AP1G2: variants seen among roughly 807,000 people sequenced by gnomAD.
AP1G2 encodes AP-1 complex subunit gamma-like 2.
Under a neutral mutation model 95.8 loss-of-function variants are expected in AP1G2, and 85 were observed. The observed-to-expected ratio is 0.89, with a 90% CI of 0.74 to 1.06. AP1G2 has a LOEUF of 1.06. Among genes scored for constraint, AP1G2 ranks in the 50% least tolerant of loss-of-function variants. The pLI, the probability that AP1G2 is intolerant of heterozygous loss-of-function variation, is 0.00. For missense variants in AP1G2, 967 were observed against 1,005.8 expected (o/e 0.96, Z 0.52); for synonymous variants, 378 against 400.0 (o/e 0.94, Z 0.66).
intron 20 of AP1G2, 57 bp from the exon 21 acceptor site, chr14:23,560,093 C>G: frequency 7.1e-7 from 1 of 1,412,368 alleles, no homozygotes. Context: ...TCAGGCAGCC[C>G]CTCTATACTC....
At chr14:23,563,193 G>A (rs1885970003) in intron 14 of AP1G2, 187 bp downstream of exon 14, 1 of 1,437,292 alleles carries the variant, frequency 7.0e-7, no homozygotes, top group African/African-American at 1.4e-5. Context: ...ACATAACCAG[G>A]AGGTACCAGA....
At position 23,563,675 on chromosome 14, in the gene AP1G2, G is replaced by A. The variant is rs547285250; in HGVS notation, c.1233-37C>T. The A allele has an allele frequency of 1.4e-5, 23 of 1,614,144 alleles. No homozygotes were observed. The East Asian group carries it at 2.9e-4, about 20-fold the overall frequency. On this transcript the variant is annotated intron_variant, in intron 12 of 21. Transcript: ENST00000397120. ...ATGGCTCATCAGTCCTGGTACTGAC[G>A]CTCCCCAGATTCTACCCTCTTCGAC...
Position 23,563,646 on chromosome 14 carries a change from A to T in AP1G2, c.1233-8T>A, listed in dbSNP as rs1352818740. The stretch of plus-strand genomic sequence containing the variant: ...CGTTTGGTTGGAGCAAACCTAGGGG[A>T]TATATGGCTCATCAGTCCTGGTACT... On this transcript the variant is annotated splice_polypyrimidine_tract_variant and splice_region_variant and intron_variant, in intron 12 of 21. Coordinates refer to ENST00000397120, the MANE Select transcript of AP1G2 (RefSeq NM_003917.5). 6.2e-7 allele frequency: 1 copy of T among 1,614,106 alleles called. No homozygotes were observed. The highest frequency in any genetic ancestry group is 1.3e-5 in the African/African-American group (1 of 75,016).
Position 23,561,503 on chromosome 14 carries a change from C to G in AP1G2, c.1857+9G>C. The stretch of plus-strand genomic sequence containing the variant: ...CGTCTTCCTACCCCAGAGTTTCTAG[C>G]CTTCTCACCTGGGGCTCTGTGGGCA... On this transcript the variant is annotated intron_variant, in intron 18 of 21. Coordinates refer to ENST00000397120, the MANE Select transcript of AP1G2 (RefSeq NM_003917.5). The G allele has an allele frequency of 1.9e-6, 3 of 1,614,166 alleles. No individual in the cohort carries two copies. The highest frequency in any genetic ancestry group is 1.7e-6 in the Non-Finnish European group (2 of 1,180,020).
Position 23,561,528 on chromosome 14 carries a change from A to T in AP1G2, c.1841T>A (p.Val614Glu). The T allele has an allele frequency of 6.2e-7, 1 of 1,614,174 alleles. No individual in the cohort carries two copies. Among genetic ancestry groups the T allele is most frequent in the Non-Finnish European group, 8.5e-7 (1 of 1,180,030 alleles). The part of the protein sequence containing the change: ...EAAQLSEAAP[V>E]PTEPQASQLL... ...CCTTCTCACCTGGGGCTCTGTGGGCACTGGGGCTGCTTCTGAAAGCTGGGC... is the reference window on the plus strand; with the variant it reads ...CCTTCTCACCTGGGGCTCTGTGGGCTCTGGGGCTGCTTCTGAAAGCTGGGC... The change falls in exon 18 of 22, where the codon GTG becomes GAG. Residue 614 changes from valine (V) to glutamate (E), a missense_variant. Physicochemically the swap from Val to Glu is moderately radical, Grantham distance 121. Transcript: ENST00000397120.
chr14:23,566,596 C>G lies in AP1G2; in HGVS notation c.295G>C (p.Asp99His), dbSNP rs779832983. Reference protein sequence around the residue: ...GAMLLLDERHDAHLLITNSIK... With the variant: ...GAMLLLDERHHAHLLITNSIK... ...CTGTTGGTAATGAGCAGGTGGGCAT[C>G]GTGCCTCTCATCCAATAGAAGCATG... The change falls in exon 3 of 22, where the codon GAT (aspartate) becomes CAT (histidine). Residue 99 changes from aspartate (D) to histidine (H), a missense_variant. Physicochemically the swap from Asp to His is moderately conservative, Grantham distance 81. Transcript: ENST00000397120. The G allele has an allele frequency of 4.3e-6, 7 of 1,614,052 alleles. No individual in the cohort carries two copies. The highest frequency in any genetic ancestry group is 5.9e-6 in the Non-Finnish European group (7 of 1,180,032).
chr14:23,565,190 G>A lies in AP1G2; in HGVS notation c.751C>T (p.Leu251Phe), dbSNP rs775100885. The A allele has an allele frequency of 9.3e-6, 15 of 1,614,182 alleles. No individual in the cohort carries two copies. In the South Asian group the frequency reaches 1.6e-4, roughly 18 times the overall value. ...CGGCCCAGGATCCGAAGCAGACGAA[G>A]TATCTGGACCTGAGGTTGGGTTGAA... ...VSDPFLQVQI[L>F]RLLRILGRNH... is the part of the protein sequence containing the mutation. Residue 251 changes from leucine (L) to phenylalanine (F), a missense_variant, in exon 8 of 22, where the codon CTT becomes TTT. Leu to Phe is a conservative substitution (Grantham distance 22). Coordinates refer to ENST00000397120, the MANE Select transcript of AP1G2 (RefSeq NM_003917.5).
chr14:23,564,798 C>T (rs1886964944), intron 8 of AP1G2, 138 bp from the exon 9 acceptor site: 2 of 793,070 alleles, frequency 2.5e-6, no homozygotes, highest in Admixed American at 4.6e-5. Flanking sequence ...CTGCCTCAGC[C>T]TCCTGAGTGG....
intron 21 of AP1G2, 38 bp from the exon 22 acceptor site, chr14:23,559,888 C>G: frequency 6.2e-7 from 1 of 1,611,490 alleles, no homozygotes; most frequent in Non-Finnish European, 8.5e-7. Flanking sequence ...TTAGCACCCA[C>G]GGCTTCTTCT....
chr14:23,559,781 C>T lies in AP1G2; in HGVS notation c.2326G>A (p.Val776Met). The change falls in exon 22 of 22, where the codon GTG becomes ATG. Residue 776 changes from valine (V) to methionine (M), a missense_variant. Coordinates refer to ENST00000397120, the MANE Select transcript of AP1G2 (RefSeq NM_003917.5). ...FHQSVQEIFE[V>M]NNLPVESWQ ...CACGATTCCACAGGCAAGTTGTTCACCTCAAAGATCTCCTGCACCGACTGG... is the reference window on the plus strand; with the variant it reads ...CACGATTCCACAGGCAAGTTGTTCATCTCAAAGATCTCCTGCACCGACTGG... The T allele has an allele frequency of 1.2e-6, 2 of 1,614,126 alleles. No individual in the cohort carries two copies. The highest frequency in any genetic ancestry group is 2.2e-5 in the East Asian group (1 of 44,886).
At chr14:23,563,929 C>A in intron 11 of AP1G2, 73 bp from the exon 12 acceptor site, 1 of 1,599,460 alleles carries the variant, frequency 6.3e-7, no homozygotes, top group Non-Finnish European at 8.5e-7. Context: ...CTCTGCTTCC[C>A]CAGGGACCTG....
intron 21 of AP1G2, 42 bp from the exon 22 acceptor site, chr14:23,559,892 T>G (rs778628929): frequency 1.2e-6 from 2 of 1,611,884 alleles, no homozygotes; most frequent in African/African-American, 1.3e-5. Flanking sequence ...CACCCACGGC[T>G]TCTTCTATCC....
At chr14:23,565,027 G>A (rs887221174) in intron 8 of AP1G2, 92 bp downstream of exon 8, 9 of 1,192,118 alleles carry the variant, frequency 7.5e-6, no homozygotes, top group Admixed American at 1.7e-5. Context: ...GCAATTACAC[G>A]GCCACTGCAC....
At position 23,559,573 on chromosome 14, in the gene AP1G2, T is replaced by C; in HGVS notation, c.*176A>G. The C allele has an allele frequency of 1.6e-6, 1 of 613,656 alleles. No homozygotes were observed. The highest frequency in any genetic ancestry group is 2.9e-6 in the Non-Finnish European group (1 of 341,926). 38.0% of individuals were successfully genotyped at this position (613,656 alleles called of 1,614,324 possible). A position where few individuals can be genotyped will look rare whatever the true frequency, so the allele number is the denominator to read the frequency against. ...CTTCAAATATACCCAAATATGGCTT[T>C]CCTCACTTCTCAGGCTTTATTGGGC... is the stretch of plus-strand genomic sequence containing the variant. On this transcript the variant is annotated 3_prime_UTR_variant, in exon 22 of 22. Transcript: ENST00000397120.
Position 23,561,435 on chromosome 14 carries a change from G to GCAGAAGGGA in AP1G2, c.1858-13_1858-5dup, listed in dbSNP as rs771762696. 1 of 1,611,696 alleles carries GCAGAAGGGA rather than the reference G, an allele frequency of 6.2e-7. No individual in the cohort carries two copies. Among genetic ancestry groups the GCAGAAGGGA allele is most frequent in the Non-Finnish European group, 8.5e-7 (1 of 1,178,182 alleles). ...GCAGATCCAGGAGCTGTGAGGCCTG[G>GCAGAAGGGA]CAGAAGGGACAGAAGGGGCAGGGCT... On this transcript the variant is annotated splice_polypyrimidine_tract_variant and splice_region_variant and intron_variant, in intron 18 of 21. Coordinates refer to ENST00000397120, the MANE Select transcript of AP1G2 (RefSeq NM_003917.5).
In AP1G2 at chr14:23,567,517, T is replaced by C; in HGVS notation, c.-5-198A>G. The C allele has an allele frequency of 7.3e-7, 1 of 1,366,074 alleles. No homozygotes were observed. Among genetic ancestry groups the C allele is most frequent in the Non-Finnish European group, 9.4e-7 (1 of 1,068,068 alleles). 84.6% of individuals were successfully genotyped at this position (1,366,074 alleles called of 1,614,324 possible). A position where few individuals can be genotyped will look rare whatever the true frequency, so the allele number is the denominator to read the frequency against. On this transcript the variant is annotated intron_variant, in intron 1 of 21. Coordinates refer to ENST00000397120, the MANE Select transcript of AP1G2 (RefSeq NM_003917.5). This position sits in a 1 kb window ranked among gnomAD's most constrained non-coding sequence, Gnocchi z 5.3. ...GCCCGAGAAGCCCACTACGCATGCG[T>C]CCGCACCCCACCGGCGCCCCTTCCT...
Position 23,564,597 on chromosome 14 carries a change from T to C in AP1G2, c.886A>G (p.Thr296Ala). The change falls in exon 9 of 22, where the codon ACC becomes GCC. Residue 296 changes from threonine (T) to alanine (A), a missense_variant. Coordinates refer to ENST00000397120, the MANE Select transcript of AP1G2 (RefSeq NM_003917.5). ...GNAVLFETVL[T>A]IMDIRSAAGL... is the part of the protein sequence containing the mutation. Reference sequence around the variant, plus strand: ...GCTGCAGAGCGGATATCCATGATGGTGAGTACTGTCTCAAACAGGACCGCA... The same window carrying C: ...GCTGCAGAGCGGATATCCATGATGGCGAGTACTGTCTCAAACAGGACCGCA... 1 of 1,613,590 alleles carries C rather than the reference T, an allele frequency of 6.2e-7. No homozygotes were observed. The highest frequency in any genetic ancestry group is 8.5e-7 in the Non-Finnish European group (1 of 1,179,994).
rs773744591 is a variant in AP1G2 at position 23,563,740 on chromosome 14, G to A, written c.1208C>T (p.Ser403Leu). The change falls in exon 12 of 22, where the codon TCA becomes TTA. Residue 403 changes from serine to leucine, a missense_variant. Ser to Leu is a moderately radical substitution (Grantham distance 145). Transcript: ENST00000397120. ...CPPDLRADCA[S>L]GILLAAERFA... ...CCTCTCTGCAGCCAGCAGGATGCCTGAGGCACAGTCAGCCCGTAGGTCAGG... is the reference window on the plus strand; with the variant it reads ...CCTCTCTGCAGCCAGCAGGATGCCTAAGGCACAGTCAGCCCGTAGGTCAGG... The A allele has an allele frequency of 6.2e-7, 1 of 1,614,062 alleles. No homozygotes were observed. The highest frequency in any genetic ancestry group is 8.5e-7 in the Non-Finnish European group (1 of 1,180,022).
At chr14:23,563,146 G>T in intron 14 of AP1G2, 1 of 1,416,718 alleles carries the variant, frequency 7.1e-7, no homozygotes, top group Middle Eastern at 2.6e-4. Flanking sequence ...GGCAGTCAGG[G>T]TACATGGAGC....
Sources: gnomAD v4.1 joint callset for allele counts on GRCh38, gnomAD v4.1.1 for gene constraint, Gnocchi (gnomAD v3.1) non-coding constraint, MANE v1.5 for transcripts, NCBI Gene and HGNC (gene_info 2026-07-23, HGNC 2026-07-21) for gene names.